Variants in SLC51A observed in about 807,000 individuals in gnomAD.
SLC51A encodes organic solute transporter subunit alpha.
A neutral mutation model predicts 34.8 loss-of-function variants in SLC51A; 22 were observed. The ratio of observed to expected loss-of-function variants is 0.63; its 90% CI spans 0.45 to 0.90. The LOEUF (loss-of-function observed/expected upper bound fraction) is 0.90, where lower values mean the gene tolerates loss of function less well. Among genes scored for constraint, SLC51A ranks in the 40% least tolerant of loss-of-function variants. The pLI, the probability that SLC51A is intolerant of heterozygous loss-of-function variation, is 0.00. For missense variants in SLC51A, 371 were observed against 414.8 expected, an observed-to-expected ratio of 0.89 and a Z score of 0.92; for synonymous variants, 181 against 176.3, an observed-to-expected ratio of 1.03 and a Z score of -0.21.
chr3:196,222,157 T>G (rs561505574), intron 2 of SLC51A, among the ~76,000 whole-genome samples: 1 of 152,364 alleles, frequency 6.6e-6, no homozygotes, highest in East Asian at 1.9e-4. Flanking sequence ...TTTTTCAAAT[T>G]CTTATTTAAT....
At chr3:196,218,773 C>T (rs1377795381) in intron 2 of SLC51A, among the ~76,000 whole-genome samples, 2 of 151,920 alleles carry the variant, frequency 1.3e-5, no homozygotes, top group Non-Finnish European at 2.9e-5. Context: ...TAAGAAAAAA[C>T]AAGTAATTGT....
At chr3:196,217,671 GAGAA>G (rs905425640) in intron 1 of SLC51A, among the ~76,000 whole-genome samples, 167 bp from the exon 2 acceptor site, 7 of 151,712 alleles carry the variant, frequency 4.6e-5, no homozygotes, top group South Asian at 2.1e-4. Flanking sequence ...GAGAGAGAAA[GAGAA>G]AGAGAGAGTG....
chr3:196,225,566 T>C (rs1392194329), intron 2 of SLC51A, among the ~76,000 whole-genome samples: 1 of 152,176 alleles, frequency 6.6e-6, no homozygotes, highest in African/African-American at 2.4e-5. Context: ...TCTAGTCAGG[T>C]AGCAGGTGCA....
chr3:196,220,170 CGGAG>C (rs1723712294), intron 2 of SLC51A, among the ~76,000 whole-genome samples: 2 of 152,226 alleles, frequency 1.3e-5, no homozygotes, highest in African/African-American at 4.8e-5. Flanking sequence ...GCCGGGCTGG[CGGAG>C]GAGCTGTGCT....
In SLC51A at chr3:196,233,160, T is replaced by C. The variant is rs1166223378; in HGVS notation, c.984T>C (p.Thr328=). Reference sequence around the variant, plus strand: ...AAGACCACAAGGTTGGGTATGAAACTTTCTCTTCTCCAGACCTGGACTTGA... The same window carrying C: ...AAGACCACAAGGTTGGGTATGAAACCTTCTCTTCTCCAGACCTGGACTTGA... ...RRKDHKVGYE[T]FSSPDLDLNL... The change falls in exon 9 of 9, where the codon ACT becomes ACC. Residue 328 remains threonine (T), a synonymous_variant. Transcript: ENST00000296327. The C allele has an allele frequency of 2.8e-5, 45 of 1,614,218 alleles. No homozygotes were observed. The highest frequency in any genetic ancestry group is 3.8e-5 in the Non-Finnish European group (45 of 1,180,042).
chr3:196,216,630 A>C lies in SLC51A; in HGVS notation c.-83A>C. On this transcript the variant is annotated 5_prime_UTR_variant, in exon 1 of 9. Coordinates refer to ENST00000296327, the MANE Select transcript of SLC51A (RefSeq NM_152672.6). The surrounding 1 kb of genome is among the most constrained non-coding windows in gnomAD (Gnocchi z 4.5). ...CCCCCCACCCCGGCCCAGGCAAGCC[A>C]CCCTGCCCCCGGCCCCCACCTGCCC... 2.0e-4 allele frequency: 214 copies of C among 1,083,046 alleles called. No homozygotes were observed. Among genetic ancestry groups the C allele is most frequent in the Middle Eastern group, 2.8e-4 (1 of 3,634 alleles). The allele number at this position is 1,083,046 out of a possible 1,614,324, so 67.1% of individuals were successfully genotyped here.
At chr3:196,230,173 C>T in intron 7 of SLC51A, 112 bp downstream of exon 7, 1 of 1,003,322 alleles carries the variant, frequency 1.0e-6, no homozygotes, top group African/African-American at 1.7e-5. Context: ...TTTCATAAGC[C>T]TCACGTCTCT....
chr3:196,222,978 T>C (rs2108754266), intron 2 of SLC51A, among the ~76,000 whole-genome samples: 1 of 151,920 alleles, frequency 6.6e-6, no homozygotes, highest in East Asian at 1.9e-4. Context: ...TGCAAAACCA[T>C]TTGTGTTGAA....
intron 6 of SLC51A, among the ~76,000 whole-genome samples, chr3:196,229,315 T>C (rs1577347989): frequency 6.6e-6 from 1 of 150,660 alleles, no homozygotes; most frequent in Non-Finnish European, 1.5e-5. Flanking sequence ...GAGGCTGAGG[T>C]GGGAGGATCA....
intron 6 of SLC51A, 32 bp from the exon 7 acceptor site, chr3:196,229,883 C>T: frequency 6.4e-7 from 1 of 1,567,134 alleles, no homozygotes; most frequent in Non-Finnish European, 8.6e-7. Context: ...GAGAGCTTGC[C>T]TGCCTCACTG....
At chr3:196,227,831 C>T (rs892010810) in intron 4 of SLC51A, 94 bp downstream of exon 4, 6 of 1,237,710 alleles carry the variant, frequency 4.8e-6, no homozygotes, top group Non-Finnish European at 6.8e-6. Flanking sequence ...GACCATGTAT[C>T]TGGCCCTTCC....
chr3:196,233,057 C>G lies in SLC51A; in HGVS notation c.887-6C>G, dbSNP rs1179087557. ...AACCTACGCTGTATTTCACCCTACA[C>G]TGCAGTGATGAATTGCCACCTCCTC... On this transcript the variant is annotated splice_polypyrimidine_tract_variant and splice_region_variant and intron_variant, in intron 8 of 8. Coordinates refer to ENST00000296327, the MANE Select transcript of SLC51A (RefSeq NM_152672.6). 1.2e-6 allele frequency: 2 copies of G among 1,613,862 alleles called. No homozygotes were observed. The highest frequency in any genetic ancestry group is 2.7e-5 in the African/African-American group (2 of 74,938).
intron 7 of SLC51A, 107 bp downstream of exon 7, chr3:196,230,168 T>A: frequency 9.2e-7 from 1 of 1,083,726 alleles, no homozygotes; most frequent in Non-Finnish European, 1.3e-6. Flanking sequence ...ATCTTTTTCA[T>A]AAGCCTCACG....
At chr3:196,218,038 G>A (rs893440629) in intron 2 of SLC51A, 102 bp downstream of exon 2, 16 of 1,057,190 alleles carry the variant, frequency 1.5e-5, no homozygotes, top group South Asian at 8.2e-5. Flanking sequence ...CTGGGCAGCC[G>A]GGGAGAATAA....
chr3:196,230,044 A>G lies in SLC51A; in HGVS notation c.763A>G (p.Lys255Glu). The change falls in exon 7 of 9, where the codon AAA becomes GAA. Residue 255 changes from lysine (K) to glutamate (E), a missense_variant. Physicochemically the swap from Lys to Glu is moderately conservative, Grantham distance 56. Coordinates refer to ENST00000296327, the MANE Select transcript of SLC51A (RefSeq NM_152672.6). ...CCTGGGTGAGCAGAACATGGGAGCCAAATTTGCTCTGTTCCAGGTAACTAT... is the reference window on the plus strand; with the variant it reads ...CCTGGGTGAGCAGAACATGGGAGCCGAATTTGCTCTGTTCCAGGTAACTAT... ...LHLGEQNMGA[K>E]FALFQVLLIL... 6.2e-7 allele frequency: 1 copy of G among 1,612,850 alleles called. No homozygotes were observed. Among genetic ancestry groups the G allele is most frequent in the Non-Finnish European group, 8.5e-7 (1 of 1,179,450 alleles).
In SLC51A at chr3:196,228,489, C is replaced by T; in HGVS notation, c.521+216C>T. ...TGTCATCACTGAACTTCACTGCACC[C>T]TGCAAGCCTTAGCCACACAGAGAAA... On this transcript the variant is annotated intron_variant, in intron 5 of 8. Coordinates refer to ENST00000296327, the MANE Select transcript of SLC51A (RefSeq NM_152672.6). The surrounding 1 kb of genome is among the most constrained non-coding windows in gnomAD (Gnocchi z 4.9). The T allele has an allele frequency of 1.6e-6, 1 of 641,348 alleles. No homozygotes were observed. Among genetic ancestry groups the T allele is most frequent in the Non-Finnish European group, 2.7e-6 (1 of 377,130 alleles). The allele number at this position is 641,348 out of a possible 1,614,324, so 39.7% of individuals were successfully genotyped here.
At chr3:196,218,849 TA>T (rs34144545) in intron 2 of SLC51A, among the ~76,000 whole-genome samples, 62 of 146,886 alleles carry the variant, frequency 4.2e-4, no homozygotes, top group Middle Eastern at 3.5e-3. Context: ...AAACAGTAAT[TA>T]AAAAAAAAAA....
intron 2 of SLC51A, among the ~76,000 whole-genome samples, chr3:196,221,684 GT>G (rs889583940): frequency 4.6e-5 from 7 of 151,212 alleles, no homozygotes; most frequent in Non-Finnish European, 8.8e-5. Context: ...ATTTTACTTT[GT>G]TTTTGTTTGT....
At chr3:196,223,003 C>G (rs1462438783) in intron 2 of SLC51A, among the ~76,000 whole-genome samples, 3 of 151,754 alleles carry the variant, frequency 2.0e-5, no homozygotes, top group African/African-American at 7.2e-5. Flanking sequence ...CAGAATCTGC[C>G]CCACCCTCAC....
Sources: gnomAD v4.1 joint callset for allele counts (sites outside exome capture counted in the v4.1 genomes callset) on GRCh38, gnomAD v4.1.1 for gene constraint, Gnocchi (gnomAD v3.1) non-coding constraint, MANE v1.5 for transcripts, NCBI Gene and HGNC (gene_info 2026-07-23, HGNC 2026-07-21) for gene names.